Variants in HMGA2 observed in about 807,000 individuals in gnomAD.
The protein encoded by HMGA2 is high mobility group protein HMGI-C.
HMGA2 carries 8 observed loss-of-function variants against 19.1 expected under a neutral mutation model. That is an observed-to-expected ratio of 0.42 (90% CI 0.25 to 0.76). The LOEUF is 0.76. HMGA2 is among the 30% of genes least tolerant of loss of function. The pLI is 0.28. For synonymous variants in HMGA2, 60 were observed against 48.8 expected, an observed-to-expected ratio of 1.23 and a Z score of -0.96; for missense variants, 109 against 136.3, an observed-to-expected ratio of 0.80 and a Z score of 1.00.
chr12:65,849,377 G>A (rs1477635940), intron 3 of HMGA2, among the ~76,000 whole-genome samples: 1 of 152,160 alleles, frequency 6.6e-6, no homozygotes, highest in Non-Finnish European at 1.5e-5. Context: ...CTTGGCACTG[G>A]ATGCACACCT....
At chr12:65,905,753 T>C (rs1365027792) in intron 3 of HMGA2, among the ~76,000 whole-genome samples, 3 of 152,230 alleles carry the variant, frequency 2.0e-5, no homozygotes, top group African/African-American at 7.2e-5. Context: ...ACATTCTCTT[T>C]AGAAATTTTA....
chr12:65,908,847 T>A (rs1048632908), intron 3 of HMGA2, among the ~76,000 whole-genome samples: 2 of 152,206 alleles, frequency 1.3e-5, no homozygotes, highest in Non-Finnish European at 2.9e-5. Context: ...CAAAAGGCTT[T>A]TTTTGTTACA....
rs150531936 is a variant in HMGA2, at chr12:65,904,776, T to C, written c.250-46607T>C. ...AGGTAAATTATAGAGTGAAACTGTA[T>C]AGAGTGAAAATTTTTTTCACTTTGG... On this transcript the variant is annotated intron_variant, in intron 3 of 4. Coordinates refer to ENST00000403681, the MANE Select transcript of HMGA2 (RefSeq NM_003483.6). Among the ~76,000 whole-genome samples the C allele has an allele frequency of 4.9e-3, 740 of 152,298 alleles. 4 individuals are homozygous for C. The highest frequency in any genetic ancestry group is 0.017 in the African/African-American group (700 of 41,568).
chr12:65,963,101 G>T, intron 4 of HMGA2, 144 bp from the exon 5 acceptor site: 1 of 725,526 alleles, frequency 1.4e-6, no homozygotes, highest in South Asian at 1.7e-5. Flanking sequence ...GAAGCCCTGG[G>T]AATGAGGGCT....
At position 65,869,168 on chromosome 12, in the gene HMGA2, TG is replaced by T. The variant is rs546820741; in HGVS notation, c.249+30602del. Among the ~76,000 whole-genome samples the T allele has an allele frequency of 2.0e-3, 303 of 152,318 alleles. 1 individual carries two copies. Among genetic ancestry groups the T allele is most frequent in the South Asian group, 4.6e-3 (22 of 4,826 alleles). On this transcript the variant is annotated intron_variant, in intron 3 of 4. Transcript: ENST00000403681. ...GATTCCTTTTTTTGGTAGGGTTCTC[TG>T]GGCCAAGTTAGTTCGAGTATTTATC...
At position 65,824,717 on chromosome 12, in the gene HMGA2, CTCTCT is replaced by C. The variant is rs1565697429; in HGVS notation, c.-553_-549del. 6.1e-4 allele frequency: 29 copies of C among 47,852 alleles called. No homozygotes were observed. Among genetic ancestry groups the C allele is most frequent in the Admixed American group, 2.3e-3 (9 of 3,940 alleles). 3.0% of individuals were successfully genotyped at this position (47,852 alleles called of 1,614,324 possible). A position where few individuals can be genotyped will look rare whatever the true frequency, so the allele number is the denominator to read the frequency against. On this transcript the variant is annotated 5_prime_UTR_variant, in exon 1 of 5. Coordinates refer to ENST00000403681, the MANE Select transcript of HMGA2 (RefSeq NM_003483.6). ...GGCACTTTCAATCTCAATCTCTTCT[CTCTCT>C]CTCTCTCTCTCTCTCTCTCTCTCTC...
At chr12:65,855,489 C>CACAG (rs1244843802) in intron 3 of HMGA2, among the ~76,000 whole-genome samples, 4 of 151,170 alleles carry the variant, frequency 2.6e-5, no homozygotes, top group Non-Finnish European at 5.9e-5. Context: ...CACACACACA[C>CACAG]AGAGCAAAGC....
At chr12:65,882,388 C>G (rs1253642970) in intron 3 of HMGA2, among the ~76,000 whole-genome samples, 1 of 152,200 alleles carries the variant, frequency 6.6e-6, no homozygotes, top group African/African-American at 2.4e-5. Flanking sequence ...GCCACAGCAG[C>G]TGAGTGTGGA....
intron 3 of HMGA2, among the ~76,000 whole-genome samples, chr12:65,892,967 T>A (rs1213160379): frequency 6.6e-6 from 1 of 152,186 alleles, no homozygotes; most frequent in Non-Finnish European, 1.5e-5. Context: ...GCTTCCCGTG[T>A]GTCATAAATC....
intron 3 of HMGA2, among the ~76,000 whole-genome samples, chr12:65,936,488 G>A (rs1290632521): frequency 6.6e-6 from 1 of 152,054 alleles, no homozygotes; most frequent in Non-Finnish European, 1.5e-5. Flanking sequence ...CACAGAAACG[G>A]CCAGGCTTAA....
chr12:65,916,960 GT>G (rs2121230421), intron 3 of HMGA2, among the ~76,000 whole-genome samples: 1 of 152,264 alleles, frequency 6.6e-6, no homozygotes, highest in East Asian at 1.9e-4. Context: ...GTTTTGACAC[GT>G]TTGTTTTAGA....
At chr12:65,873,170 G>T (rs890207978) in intron 3 of HMGA2, among the ~76,000 whole-genome samples, 4 of 152,140 alleles carry the variant, frequency 2.6e-5, no homozygotes, top group Admixed American at 2.0e-4. Flanking sequence ...TTGTTTACAT[G>T]TTTTTCATGC....
At chr12:65,954,700 A>T (rs1185193214) in intron 4 of HMGA2, 1 of 152,212 alleles carries the variant, frequency 6.6e-6, no homozygotes, top group African/African-American at 2.4e-5. Flanking sequence ...TGCGAAATCC[A>T]CCAGGTGTCA....
In HMGA2 at chr12:65,879,284, T is replaced by C. The variant is rs558575737; in HGVS notation, c.249+40715T>C. The stretch of plus-strand genomic sequence containing the variant: ...CTGGGACTACAGGCATGTGCCACCA[T>C]ACCAGCTATTTTTTTTTTTTTTTTG... On this transcript the variant is annotated intron_variant, in intron 3 of 4. Transcript: ENST00000403681. Among the ~76,000 whole-genome samples the C allele has an allele frequency of 4.8e-5, 7 of 145,152 alleles. No individual in the cohort carries two copies. In the East Asian group the frequency reaches 1.4e-3, roughly 29 times the overall value.
chr12:65,827,475 G>A (rs1262003705), intron 1 of HMGA2, among the ~76,000 whole-genome samples: 2 of 152,290 alleles, frequency 1.3e-5, no homozygotes, highest in East Asian at 3.9e-4. Context: ...AATTGCTCCA[G>A]TATTTCACTC....
At chr12:65,885,488 T>C (rs1873617257) in intron 3 of HMGA2, among the ~76,000 whole-genome samples, 2 of 152,230 alleles carry the variant, frequency 1.3e-5, no homozygotes, top group South Asian at 4.1e-4. Context: ...AAGTTTTTGT[T>C]CTTTTCCATT....
At chr12:65,905,788 T>A (rs1874566636) in intron 3 of HMGA2, among the ~76,000 whole-genome samples, 1 of 152,230 alleles carries the variant, frequency 6.6e-6, no homozygotes, top group Non-Finnish European at 1.5e-5. Context: ...GCTGAAGGAA[T>A]AAAATAAAAT....
Position 65,828,318 on chromosome 12 carries a change from G to A in HMGA2, c.198+231G>A, listed in dbSNP as rs770647810. The A allele has an allele frequency of 2.3e-4, 70 of 306,292 alleles. 1 individual carries two copies. The highest frequency in any genetic ancestry group is 1.6e-3 in the African/African-American group (62 of 38,890). The allele number at this position is 306,292 out of a possible 1,614,324, so 19.0% of individuals were successfully genotyped here. ...TAACAGTGTTGTTTTTAAACAAACA[G>A]CCACCAAATAATTTGAACCTTAAAA... On this transcript the variant is annotated intron_variant, in intron 2 of 4. Transcript: ENST00000403681.
chr12:65,892,659 G>A (rs763360518), intron 3 of HMGA2, among the ~76,000 whole-genome samples: 11 of 152,082 alleles, frequency 7.2e-5, no homozygotes, highest in African/African-American at 4.8e-5. Flanking sequence ...TGTCATCTCC[G>A]AGAGAATCTG....
Sources: gnomAD v4.1 joint callset for allele counts (sites outside exome capture counted in the v4.1 genomes callset) on GRCh38, gnomAD v4.1.1 for gene constraint, MANE v1.5 for transcripts, NCBI Gene and HGNC (gene_info 2026-07-23, HGNC 2026-07-21) for gene names.